Variants in WDR47 observed in about 807,000 individuals in gnomAD.
The protein encoded by WDR47 is WD repeat-containing protein 47.
WDR47 carries 32 observed loss-of-function variants against 97.2 expected under a neutral mutation model. The ratio of observed to expected loss-of-function variants is 0.33; its 90% CI spans 0.25 to 0.44. The LOEUF (loss-of-function observed/expected upper bound fraction) is 0.44. Among genes scored for constraint, WDR47 ranks in the 20% least tolerant of loss-of-function variants. The pLI is 1.00. For synonymous variants in WDR47, 375 were observed against 373.5 expected, an observed-to-expected ratio of 1.00 and a Z score of -0.05; for missense variants, 782 against 1,102.3, an observed-to-expected ratio of 0.71 and a Z score of 4.11.
intron 1 of WDR47, among the ~76,000 whole-genome samples, chr1:109,038,493 A>G (rs1490601247): frequency 6.6e-6 from 1 of 152,050 alleles, no homozygotes; most frequent in Non-Finnish European, 1.5e-5. Context: ...AGCCTGGGCA[A>G]CATGGCAAAA....
intron 5 of WDR47, among the ~76,000 whole-genome samples, chr1:109,010,422 G>A (rs1660951883): frequency 6.6e-6 from 1 of 151,948 alleles, no homozygotes; most frequent in Admixed American, 6.6e-5. Flanking sequence ...GCTGAGTATG[G>A]TGGTGTGTGC....
At chr1:108,981,424 T>C (rs981500537) in intron 13 of WDR47, among the ~76,000 whole-genome samples, 2 of 152,168 alleles carry the variant, frequency 1.3e-5, no homozygotes, top group Non-Finnish European at 2.9e-5. Context: ...TTTTGTTCAA[T>C]TTCACTTTTT....
In WDR47 at chr1:109,033,244, G is replaced by A. The variant is rs574486376; in HGVS notation, c.-10+8618C>T. ...AGGGGGGCAGAGGTGGCAGTGAGTC[G>A]AGATCACGCCACTACACTCCAGCTT... is the stretch of plus-strand genomic sequence containing the variant. On this transcript the variant is annotated intron_variant, in intron 1 of 14. Transcript: ENST00000369962. Among the ~76,000 whole-genome samples, 73 of 152,150 alleles carry A rather than the reference G, an allele frequency of 4.8e-4. 1 individual carries two copies. Among genetic ancestry groups the A allele is most frequent in the Admixed American group, 7.2e-4 (11 of 15,254 alleles).
chr1:108,992,927 T>C (rs930162227), intron 8 of WDR47: 5 of 966,586 alleles, frequency 5.2e-6, no homozygotes, highest in East Asian at 5.1e-5. Context: ...AATATTTTTT[T>C]AATTTCCTAG....
Position 109,011,073 on chromosome 1 carries a change from T to G in WDR47, c.973A>C (p.Thr325Pro), listed in dbSNP as rs962388744. 10 of 1,614,022 alleles carry G rather than the reference T, an allele frequency of 6.2e-6. No individual in the cohort carries two copies. The African/African-American group carries it at 1.3e-4, about 22-fold the overall frequency. The stretch of plus-strand genomic sequence containing the variant: ...TCTGAAATTCTCTTATCATGACTGG[T>G]TAGTCCACAGGTGAGGCCATCTAAA... ...PALDGLTCGL[T>P]SHDKRISDLG... The change falls in exon 5 of 15, where the codon ACC becomes CCC. Residue 325 changes from threonine to proline, a missense_variant. Physicochemically the swap from Thr to Pro is conservative, Grantham distance 38 (BLOSUM62 -1). Transcript: ENST00000369962.
At chr1:109,004,436 T>C (rs985033730) in intron 6 of WDR47, among the ~76,000 whole-genome samples, 156 bp downstream of exon 6, 2 of 152,172 alleles carry the variant, frequency 1.3e-5, no homozygotes, top group African/African-American at 4.8e-5. Flanking sequence ...ACATATTCGT[T>C]GAAGAGAGGA....
Position 108,995,686 on chromosome 1 carries a change from G to A in WDR47, c.1585C>T (p.Gln529Ter). ...SFTTPPQDSS[Q>*]RLTHDASNIH... ...TTTGAAGCATCATGTGTTAATCTCT[G>A]ACTAGAGTCTTGGGGTGGTGTAGTA... is the stretch of plus-strand genomic sequence containing the variant. Residue 529 changes from glutamine (Q) to a stop codon, truncating the protein, a stop_gained, in exon 8 of 15, where the codon CAG becomes TAG. Transcript: ENST00000369962. LOFTEE classifies it high-confidence loss of function. 6.2e-7 allele frequency: 1 copy of A among 1,614,156 alleles called. No homozygotes were observed. The highest frequency in any genetic ancestry group is 8.5e-7 in the Non-Finnish European group (1 of 1,180,012).
In WDR47 at chr1:108,971,389, G is replaced by A. The variant is rs766181104; in HGVS notation, c.*41C>T. The A allele has an allele frequency of 9.9e-6, 16 of 1,612,116 alleles. No individual in the cohort carries two copies. In the Admixed American group the frequency reaches 2.7e-4, roughly 27 times the overall value. On this transcript the variant is annotated 3_prime_UTR_variant, in exon 15 of 15. Coordinates refer to ENST00000369962, the MANE Select transcript of WDR47 (RefSeq NM_001142551.2). Reference sequence around the variant, plus strand: ...AATTTTCACAACTCAGTAGTCTTAAGTCTCTGTGCTTTTGCTGCATAGACT... The same window carrying A: ...AATTTTCACAACTCAGTAGTCTTAAATCTCTGTGCTTTTGCTGCATAGACT...
At chr1:108,979,260 C>T (rs1338875900) in intron 13 of WDR47, among the ~76,000 whole-genome samples, 1 of 151,954 alleles carries the variant, frequency 6.6e-6, no homozygotes, top group Non-Finnish European at 1.5e-5. Context: ...AATTATTAAC[C>T]CCAAGGAAAA....
chr1:109,006,386 T>C (rs1660625399), intron 5 of WDR47, among the ~76,000 whole-genome samples: 1 of 152,018 alleles, frequency 6.6e-6, no homozygotes, highest in Admixed American at 6.6e-5. Context: ...AGAGCTAGAC[T>C]CCGTTTCAAA....
chr1:108,988,775 T>G (rs1659062153), intron 9 of WDR47, among the ~76,000 whole-genome samples: 1 of 152,174 alleles, frequency 6.6e-6, no homozygotes, highest in Non-Finnish European at 1.5e-5. Flanking sequence ...TTTTTTTTTT[T>G]GAGATGGAGT....
chr1:109,034,081 G>A (rs1320310743), intron 1 of WDR47, among the ~76,000 whole-genome samples: 1 of 152,114 alleles, frequency 6.6e-6, no homozygotes, highest in Non-Finnish European at 1.5e-5. Flanking sequence ...CTGAGGTCAG[G>A]AGTTTGAGAT....
At position 108,982,708 on chromosome 1, in the gene WDR47, C is replaced by T. The variant is rs765874350; in HGVS notation, c.2167G>A (p.Gly723Arg). 6.2e-6 allele frequency: 10 copies of T among 1,614,060 alleles called. No individual in the cohort carries two copies. The highest frequency in any genetic ancestry group is 1.7e-5 in the Admixed American group (1 of 59,990). ...CCAGCACTTATTAAAATAGCTCCTC[C>T]GCTTTCTGGGCCTTCCATAAATGCC... ...DLAFMEGPES[G>R]GAILISAGAG... is the part of the protein sequence containing the mutation. The change falls in exon 12 of 15, where the codon GGA becomes AGA. Residue 723 changes from glycine to arginine, a missense_variant. This residue lies in a region of WDR47 where 228 missense variants were observed against 396.7 expected (regional missense o/e 0.57). Coordinates refer to ENST00000369962, the MANE Select transcript of WDR47 (RefSeq NM_001142551.2).
chr1:108,973,035 T>G (rs540031415), intron 14 of WDR47, among the ~76,000 whole-genome samples: 1 of 152,070 alleles, frequency 6.6e-6, no homozygotes, highest in Non-Finnish European at 1.5e-5. Flanking sequence ...TCCAGGCACA[T>G]TGGCTTCCTG....
chr1:109,028,985 T>C (rs1662423810), intron 1 of WDR47, among the ~76,000 whole-genome samples: 1 of 152,132 alleles, frequency 6.6e-6, no homozygotes, highest in East Asian at 1.9e-4. Context: ...TTATATCCAA[T>C]ATCCAGACTA....
intron 7 of WDR47, among the ~76,000 whole-genome samples, chr1:109,000,718 A>C (rs1394757462): frequency 6.6e-6 from 1 of 151,830 alleles, no homozygotes; most frequent in Non-Finnish European, 1.5e-5. Flanking sequence ...AACAAAAAAA[A>C]CCACTCCCTT....
At chr1:108,992,907 A>G in intron 8 of WDR47, 2 of 1,076,716 alleles carry the variant, frequency 1.9e-6, no homozygotes, top group South Asian at 2.8e-5. Flanking sequence ...AGGTGAGGAA[A>G]TTGCTAAATA....
At chr1:109,041,193 A>G (rs375488798) in intron 1 of WDR47, among the ~76,000 whole-genome samples, 3 of 147,988 alleles carry the variant, frequency 2.0e-5, no homozygotes, top group African/African-American at 5.0e-5. Flanking sequence ...TTTCTCCCCA[A>G]TAAAGGGAAG....
At chr1:108,977,882 G>A (rs1467324236) in intron 13 of WDR47, among the ~76,000 whole-genome samples, 1 of 151,942 alleles carries the variant, frequency 6.6e-6, no homozygotes, top group East Asian at 1.9e-4. Context: ...TACTTGGGAG[G>A]CTGAGGCAGG....
Sources: gnomAD v4.1 joint callset for allele counts (sites outside exome capture counted in the v4.1 genomes callset) on GRCh38, gnomAD v4.1.1 for gene constraint, gnomAD v4.1.1 regional missense constraint, MANE v1.5 for transcripts, NCBI Gene and HGNC (gene_info 2026-07-23, HGNC 2026-07-21) for gene names.